BRAF: variants seen among roughly 807,000 people sequenced by gnomAD.
The protein encoded by BRAF is serine/threonine-protein kinase B-raf.
In BRAF, 16 loss-of-function variants were observed where a neutral mutation model predicts 104.6. The observed-to-expected ratio is 0.15, with a 90% CI of 0.10 to 0.23. BRAF has a LOEUF of 0.23. BRAF is among the 10% of genes least tolerant of loss of function. The probability of loss-of-function intolerance (pLI) is 1.00; values close to 1 mark genes in which losing one functional copy is unlikely to be tolerated. For missense variants in BRAF, 541 were observed against 937.3 expected (o/e 0.58, Z 5.52); for synonymous variants, 310 against 341.6 (o/e 0.91, Z 1.02).
chr7:140,913,507 A>G (rs1015873590), intron 1 of BRAF, among the ~76,000 whole-genome samples: 3 of 110,402 alleles, frequency 2.7e-5, no homozygotes, highest in African/African-American at 3.7e-5. Flanking sequence ...TTTGTGAGAC[A>G]GAGTCTCGCT....
intron 1 of BRAF, among the ~76,000 whole-genome samples, chr7:140,910,117 A>G (rs1192240280): frequency 6.6e-6 from 1 of 152,204 alleles, no homozygotes; most frequent in African/African-American, 2.4e-5. Flanking sequence ...CATGCAATAT[A>G]AAGTGCACTT....
intron 1 of BRAF, among the ~76,000 whole-genome samples, chr7:140,892,994 G>A (rs1001817045): frequency 2.6e-5 from 4 of 152,068 alleles, no homozygotes; most frequent in Admixed American, 6.6e-5. Context: ...TCAAATCATC[G>A]AACAGGAATC....
At chr7:140,728,895 A>C (rs1294905495) in intron 19 of BRAF, among the ~76,000 whole-genome samples, 1 of 152,072 alleles carries the variant, frequency 6.6e-6, no homozygotes, top group Non-Finnish European at 1.5e-5. Context: ...TATCTAAGCC[A>C]AATGTTAATA....
At chr7:140,717,637 A>G (rs1795161020), downstream of BRAF, among the ~76,000 whole-genome samples, 1 of 152,212 alleles carries the variant, frequency 6.6e-6, no homozygotes, top group South Asian at 2.1e-4. Context: ...ACAGCCCCTG[A>G]TAAAATTTCA....
intron 1 of BRAF, among the ~76,000 whole-genome samples, chr7:140,884,578 C>T (rs1290212564): frequency 6.6e-6 from 1 of 151,732 alleles, no homozygotes; most frequent in African/African-American, 2.4e-5. Context: ...ACTCTGGGCT[C>T]AAGTGATCCT....
intron 3 of BRAF, among the ~76,000 whole-genome samples, chr7:140,830,194 T>C (rs938825315): frequency 6.6e-6 from 1 of 152,204 alleles, no homozygotes; most frequent in East Asian, 1.9e-4. Flanking sequence ...TTACATCTTC[T>C]AGTTGCTTTC....
At chr7:140,809,305 G>A (rs1198910082) in intron 3 of BRAF, among the ~76,000 whole-genome samples, 3 of 152,104 alleles carry the variant, frequency 2.0e-5, no homozygotes, top group Non-Finnish European at 4.4e-5. Context: ...ATCCATCACT[G>A]AGCAATAATA....
In BRAF at chr7:140,721,498, C is replaced by T. The variant is rs1795322691; in HGVS notation, c.*4996G>A. ...TTTGAAAACAACAAAACAGAGCTTA[C>T]TGTCTAGTGTACTAATAAAACAAAC... On this transcript the variant is annotated 3_prime_UTR_variant, in exon 20 of 20. Transcript: ENST00000644969. 1.5e-6 allele frequency: 2 copies of T among 1,303,734 alleles called. No homozygotes were observed. The highest frequency in any genetic ancestry group is 2.4e-5 in the South Asian group (1 of 41,116). 80.8% of individuals were successfully genotyped at this position (1,303,734 alleles called of 1,614,324 possible).
intron 19 of BRAF, chr7:140,733,151 T>C (rs1007233819): frequency 2.0e-5 from 3 of 152,228 alleles, no homozygotes; most frequent in Non-Finnish European, 2.9e-5. Flanking sequence ...GCCGTAATTA[T>C]TATTGAGTGA....
chr7:140,920,560 T>C (rs1818106777), intron 1 of BRAF, among the ~76,000 whole-genome samples: 2 of 152,256 alleles, frequency 1.3e-5, no homozygotes, highest in Non-Finnish European at 2.9e-5. Flanking sequence ...AATGTAATTT[T>C]TCTGGCCTAT....
intron 15 of BRAF, chr7:140,753,866 A>C: frequency 2.5e-6 from 1 of 401,098 alleles, no homozygotes; most frequent in South Asian, 2.5e-5. Flanking sequence ...CCACTGAGCA[A>C]GGTCAGAGGT....
At chr7:140,819,111 T>C (rs1030366983) in intron 3 of BRAF, among the ~76,000 whole-genome samples, 1 of 152,244 alleles carries the variant, frequency 6.6e-6, no homozygotes, top group African/African-American at 2.4e-5. Context: ...TCTTGGCTAC[T>C]TTCTCTTTTC....
rs1257945436 is a variant in BRAF at position 140,744,757 on chromosome 7, C to A, written c.2112+4530G>T. Among the ~76,000 whole-genome samples the A allele has an allele frequency of 2.0e-5, 3 of 152,036 alleles. No homozygotes were observed. The East Asian group carries it at 5.8e-4, about 29-fold the overall frequency. On this transcript the variant is annotated intron_variant, in intron 17 of 19. Coordinates refer to ENST00000644969, the MANE Select transcript of BRAF (RefSeq NM_001374258.1). ...TTAATTGAAGGGAAAAGAAAAGCCC[C>A]ATGTCATTCATTAAGATACATATTT...
rs2129044298 is a variant in BRAF at position 140,801,474 on chromosome 7, A to G, written c.798T>C (p.Tyr266=). Residue 266 remains tyrosine (Y), a synonymous_variant, in exon 6 of 20, where the codon TAT becomes TAC. Transcript: ENST00000644969. ...CTGTACTACAACGCTGGTGAAATTTATAACCACATGTTTGACAGCGGAAAC... is the reference window on the plus strand; with the variant it reads ...CTGTACTACAACGCTGGTGAAATTTGTAACCACATGTTTGACAGCGGAAAC... The part of the protein sequence containing the change: ...FQGFRCQTCG[Y]KFHQRCSTEV... 6.2e-7 allele frequency: 1 copy of G among 1,614,062 alleles called. No individual in the cohort carries two copies. Among genetic ancestry groups the G allele is most frequent in the East Asian group, 2.2e-5 (1 of 44,850 alleles).
At chr7:140,858,156 C>T (rs897881827) in intron 1 of BRAF, among the ~76,000 whole-genome samples, 2 of 152,108 alleles carry the variant, frequency 1.3e-5, no homozygotes, top group African/African-American at 4.8e-5. Context: ...CAAAGTATTT[C>T]GCCACAGATT....
intron 14 of BRAF, among the ~76,000 whole-genome samples, chr7:140,776,609 T>C (rs1187846603): frequency 6.6e-6 from 1 of 152,226 alleles, no homozygotes; most frequent in Non-Finnish European, 1.5e-5. Context: ...GCTAACAACT[T>C]TTTAGCAGGT....
chr7:140,877,745 T>A (rs182703067), intron 1 of BRAF, among the ~76,000 whole-genome samples: 8 of 152,086 alleles, frequency 5.3e-5, no homozygotes, highest in Middle Eastern at 3.4e-3. Context: ...ATTCAAAATG[T>A]TAGAAAAAAA....
At chr7:140,851,597 T>C (rs181209226) in intron 1 of BRAF, among the ~76,000 whole-genome samples, 1 of 152,316 alleles carries the variant, frequency 6.6e-6, no homozygotes, top group East Asian at 1.9e-4. Context: ...GGTATCTAGG[T>C]ATAGGATTCC....
chr7:140,803,720 T>C (rs1365223645), intron 5 of BRAF, among the ~76,000 whole-genome samples: 3 of 152,188 alleles, frequency 2.0e-5, no homozygotes, highest in Non-Finnish European at 4.4e-5. Flanking sequence ...ATGAGTCACG[T>C]AACAGAACTG....
Sources: gnomAD v4.1 joint callset for allele counts (sites outside exome capture counted in the v4.1 genomes callset) on GRCh38, gnomAD v4.1.1 for gene constraint, MANE v1.5 for transcripts, NCBI Gene and HGNC (gene_info 2026-07-23, HGNC 2026-07-21) for gene names.